Variants in RBFOX1 observed in about 807,000 individuals in gnomAD.
RBFOX1 encodes RNA binding fox-1 homolog 1.
In RBFOX1, 8 loss-of-function variants were observed where a neutral mutation model predicts 57.7. The observed-to-expected ratio is 0.14, with a 90% CI of 0.08 to 0.25. The LOEUF (loss-of-function observed/expected upper bound fraction) is 0.25, where lower values mean the gene tolerates loss of function less well. Among genes scored for constraint, RBFOX1 ranks in the 10% least tolerant of loss-of-function variants. The pLI is 1.00. For synonymous variants in RBFOX1, 326 were observed against 222.4 expected (o/e 1.47, Z -4.15); for missense variants, 611 against 548.5 (o/e 1.11, Z -1.14).
chr16:6,483,423 G>C, intron 2 of RBFOX1: 1 of 1,535,438 alleles, frequency 6.5e-7, no homozygotes, highest in Non-Finnish European at 8.7e-7. Flanking sequence ...GCACGTGGGT[G>C]CCGTTTGCTG....
intron 4 of RBFOX1, among the ~76,000 whole-genome samples, chr16:5,916,161 C>T (rs1278377669): frequency 2.6e-5 from 4 of 151,832 alleles, no homozygotes; most frequent in African/African-American, 7.3e-5. Flanking sequence ...CCTGAAAATT[C>T]GTTTGGTGTC....
At chr16:7,218,115 C>G (rs976982766) in intron 4 of RBFOX1, among the ~76,000 whole-genome samples, 1 of 151,926 alleles carries the variant, frequency 6.6e-6, no homozygotes, top group African/African-American at 2.4e-5. Context: ...GTAGAGCTCC[C>G]TCTGCAGAAG....
chr16:6,877,202 G>A (rs1242197329), intron 3 of RBFOX1, among the ~76,000 whole-genome samples: 2 of 152,170 alleles, frequency 1.3e-5, no homozygotes, highest in African/African-American at 2.4e-5. Flanking sequence ...TTTAAAAAGT[G>A]CATTTAACAT....
At chr16:6,741,577 G>C (rs1324413733) in intron 3 of RBFOX1, among the ~76,000 whole-genome samples, 1 of 151,864 alleles carries the variant, frequency 6.6e-6, no homozygotes, top group African/African-American at 2.4e-5. Flanking sequence ...GCTGAGGTAG[G>C]AGAATCGCTT....
intron 4 of RBFOX1, among the ~76,000 whole-genome samples, chr16:5,905,190 C>G (rs1184524400): frequency 2.7e-5 from 4 of 150,284 alleles, no homozygotes; most frequent in Non-Finnish European, 5.9e-5. Context: ...GCCTCAGCCT[C>G]ACGAGTAGCT....
At chr16:5,425,760 G>A (rs756041339) in intron 1 of RBFOX1, among the ~76,000 whole-genome samples, 1 of 152,176 alleles carries the variant, frequency 6.6e-6, no homozygotes, top group Admixed American at 6.5e-5. Context: ...ACTGTCCTCA[G>A]GTTCCCACCT....
chr16:6,030,257 G>C (rs1218983382), intron 1 of RBFOX1, among the ~76,000 whole-genome samples: 2 of 152,144 alleles, frequency 1.3e-5, no homozygotes, highest in South Asian at 2.1e-4. Context: ...GGCTATTACT[G>C]TGTTAGCTTT....
chr16:5,753,116 C>T (rs774986152), intron 3 of RBFOX1, among the ~76,000 whole-genome samples: 66 of 151,824 alleles, frequency 4.3e-4, no homozygotes, highest in Non-Finnish European at 8.2e-4. Context: ...GCTGTGATCA[C>T]ACCACTGCAC....
At chr16:6,741,392 G>A (rs1013389580) in intron 3 of RBFOX1, among the ~76,000 whole-genome samples, 1 of 152,216 alleles carries the variant, frequency 6.6e-6, no homozygotes, top group Admixed American at 6.5e-5. Context: ...GCTGGACGGG[G>A]TGGCTCATGC....
intron 3 of RBFOX1, among the ~76,000 whole-genome samples, chr16:6,814,320 GTTGA>G (rs1397186790): frequency 6.6e-6 from 1 of 152,124 alleles, no homozygotes; most frequent in Non-Finnish European, 1.5e-5. Flanking sequence ...AAGCAAGAAA[GTTGA>G]TTAAGACATA....
intron 3 of RBFOX1, among the ~76,000 whole-genome samples, chr16:5,693,492 A>G (rs1405010193): frequency 6.6e-6 from 1 of 151,794 alleles, no homozygotes. Context: ...TTTTTCTTAT[A>G]CATAATACTT....
At chr16:6,742,942 G>A (rs1030971219) in intron 3 of RBFOX1, among the ~76,000 whole-genome samples, 4 of 152,006 alleles carry the variant, frequency 2.6e-5, no homozygotes, top group African/African-American at 9.7e-5. Flanking sequence ...AATAAAAGGG[G>A]TTAAACTTAT....
intron 2 of RBFOX1, among the ~76,000 whole-genome samples, chr16:6,416,703 C>T (rs1178911641): frequency 6.6e-6 from 1 of 152,148 alleles, no homozygotes; most frequent in Non-Finnish European, 1.5e-5. Context: ...GTTACTGCTG[C>T]ATTCGCACCT....
intron 4 of RBFOX1, among the ~76,000 whole-genome samples, chr16:7,479,532 C>A (rs976763156): frequency 5.3e-5 from 8 of 152,162 alleles, no homozygotes; most frequent in Non-Finnish European, 1.2e-4. Flanking sequence ...GGAAAGGACT[C>A]AAGAGCCTGC....
chr16:5,688,286 G>A (rs1440155532), intron 3 of RBFOX1, among the ~76,000 whole-genome samples: 1 of 152,158 alleles, frequency 6.6e-6, no homozygotes, highest in Non-Finnish European at 1.5e-5. Flanking sequence ...TATTTTGTTA[G>A]TCAGAAATGA....
intron 2 of RBFOX1, among the ~76,000 whole-genome samples, chr16:6,596,144 T>C (rs2097774776): frequency 6.6e-6 from 1 of 152,166 alleles, no homozygotes; most frequent in African/African-American, 2.4e-5. Context: ...ATTTATTTTT[T>C]ATTGCTTATT....
At chr16:6,999,053 G>A (rs1260990199) in intron 3 of RBFOX1, among the ~76,000 whole-genome samples, 1 of 151,224 alleles carries the variant, frequency 6.6e-6, no homozygotes, top group African/African-American at 2.4e-5. Flanking sequence ...ATTATTAGTA[G>A]AGACAGGGTT....
chr16:5,766,671 C>A (rs998703360), intron 3 of RBFOX1, among the ~76,000 whole-genome samples: 1 of 149,034 alleles, frequency 6.7e-6, no homozygotes. Flanking sequence ...CATGAGGGAT[C>A]CCCCCCCAGG....
At chr16:6,798,643 A>C (rs576831674) in intron 3 of RBFOX1, among the ~76,000 whole-genome samples, 4 of 152,336 alleles carry the variant, frequency 2.6e-5, no homozygotes, top group Non-Finnish European at 4.4e-5. Flanking sequence ...TCTCTGGCCA[A>C]AGCAAATGTG....
Sources: gnomAD v4.1 joint callset for allele counts (sites outside exome capture counted in the v4.1 genomes callset) on GRCh38, gnomAD v4.1.1 for gene constraint, MANE v1.5 for transcripts, NCBI Gene and HGNC (gene_info 2026-07-23, HGNC 2026-07-21) for gene names.